EPB41L2: variants seen among roughly 807,000 people sequenced by gnomAD.
The protein encoded by EPB41L2 is erythrocyte membrane protein band 4.1 like 2.
In EPB41L2, 43 loss-of-function variants were observed where a neutral mutation model predicts 113.0. That is an observed-to-expected ratio of 0.38 (90% CI 0.30 to 0.49). The LOEUF is 0.49. EPB41L2 is among the 20% of genes least tolerant of loss of function. The pLI, the probability that EPB41L2 is intolerant of heterozygous loss-of-function variation, is 0.95. For synonymous variants in EPB41L2, 442 were observed against 436.7 expected, an observed-to-expected ratio of 1.01 and a Z score of -0.15; for missense variants, 1,147 against 1,223.4, an observed-to-expected ratio of 0.94 and a Z score of 0.93.
chr6:130,905,422 C>T (rs1583290327), intron 5 of EPB41L2, among the ~76,000 whole-genome samples: 2 of 144,422 alleles, frequency 1.4e-5, no homozygotes, highest in Non-Finnish European at 1.5e-5. Context: ...TATGTTATTC[C>T]TTTTTTTTTT....
intron 19 of EPB41L2, among the ~76,000 whole-genome samples, chr6:130,848,972 A>G (rs79322487): frequency 6.6e-6 from 1 of 152,246 alleles, no homozygotes. Context: ...GCAGTTTAAC[A>G]TTAAATATTC....
intron 3 of EPB41L2, among the ~76,000 whole-genome samples, chr6:130,934,077 CACA>C (rs954582438): frequency 5.9e-5 from 9 of 152,178 alleles, no homozygotes; most frequent in Non-Finnish European, 1.0e-4. Context: ...ACAGAGCAAA[CACA>C]ACAACTGATA....
intron 18 of EPB41L2, among the ~76,000 whole-genome samples, chr6:130,861,288 G>A (rs1485448150): frequency 6.6e-6 from 1 of 151,726 alleles, no homozygotes; most frequent in Non-Finnish European, 1.5e-5. Context: ...TAGCCAGGAT[G>A]GTCTCCATCT....
intron 1 of EPB41L2, among the ~76,000 whole-genome samples, chr6:131,010,388 T>C (rs1356584015): frequency 6.6e-6 from 1 of 151,836 alleles, no homozygotes; most frequent in Admixed American, 6.6e-5. Context: ...ACTCCTTTCT[T>C]CCTGATAGAA....
chr6:130,857,507 G>T (rs1780624381), intron 19 of EPB41L2, among the ~76,000 whole-genome samples: 1 of 144,966 alleles, frequency 6.9e-6, no homozygotes. Flanking sequence ...TTTTTACACA[G>T]TCAAAGAAAT....
chr6:130,851,545 C>T (rs1443983450), intron 19 of EPB41L2, among the ~76,000 whole-genome samples: 1 of 152,174 alleles, frequency 6.6e-6, no homozygotes, highest in Non-Finnish European at 1.5e-5. Context: ...CTCCATGACA[C>T]CTAATGTTCT....
intron 11 of EPB41L2, 40 bp from the exon 12 acceptor site, chr6:130,885,308 T>A: frequency 6.2e-7 from 1 of 1,605,272 alleles, no homozygotes; most frequent in Non-Finnish European, 8.5e-7. Flanking sequence ...TTAGGACATA[T>A]GAATCATAAA....
intron 1 of EPB41L2, among the ~76,000 whole-genome samples, chr6:131,008,053 T>C (rs932968754): frequency 2.6e-5 from 4 of 152,260 alleles, no homozygotes; most frequent in Non-Finnish European, 5.9e-5. Flanking sequence ...AGCCAAATGT[T>C]AATCCCAAGA....
intron 1 of EPB41L2, among the ~76,000 whole-genome samples, chr6:131,029,895 C>T (rs112167167): frequency 2.3e-3 from 16 of 6,920 alleles, no homozygotes; most frequent in East Asian, 0.029. Context: ...GGATTTTTCT[C>T]TTTTTTTCTT....
intron 10 of EPB41L2, among the ~76,000 whole-genome samples, chr6:130,893,647 A>G (rs560031198): frequency 6.6e-6 from 1 of 152,350 alleles, no homozygotes; most frequent in South Asian, 2.1e-4. Flanking sequence ...GAGTAACTGC[A>G]TGTGTCACAA....
chr6:130,940,721 G>A (rs1810534560), intron 3 of EPB41L2, among the ~76,000 whole-genome samples: 2 of 151,916 alleles, frequency 1.3e-5, no homozygotes, highest in Non-Finnish European at 2.9e-5. Flanking sequence ...TGCCCGCCTC[G>A]GCCTCCCAAA....
At chr6:131,022,136 G>GT in intron 1 of EPB41L2, among the ~76,000 whole-genome samples, 1 of 152,192 alleles carries the variant, frequency 6.6e-6, no homozygotes, top group Admixed American at 6.5e-5. Context: ...GACCGTTACT[G>GT]ATCATCAGGC....
intron 3 of EPB41L2, among the ~76,000 whole-genome samples, chr6:130,940,823 A>G (rs1583684937): frequency 1.3e-5 from 2 of 152,154 alleles, no homozygotes; most frequent in East Asian, 3.9e-4. Context: ...AGACATGCAT[A>G]CCGACTCCAG....
At chr6:130,885,919 T>C (rs1790802861) in intron 11 of EPB41L2, among the ~76,000 whole-genome samples, 1 of 152,310 alleles carries the variant, frequency 6.6e-6, no homozygotes, top group Non-Finnish European at 1.5e-5. Context: ...CTGGCCCTCA[T>C]GTGCTCTCTT....
chr6:130,947,003 A>C (rs1295798808), intron 3 of EPB41L2, among the ~76,000 whole-genome samples: 1 of 149,660 alleles, frequency 6.7e-6, no homozygotes, highest in African/African-American at 2.5e-5. Context: ...TAAGCAATGC[A>C]CTGAATAAAG....
At chr6:131,050,084 A>C (rs558668393) in intron 1 of EPB41L2, among the ~76,000 whole-genome samples, 1 of 152,310 alleles carries the variant, frequency 6.6e-6, no homozygotes, top group African/African-American at 2.4e-5. Flanking sequence ...CACACCTGTA[A>C]TCCCAGCACT....
At chr6:131,023,818 G>A (rs964585893) in intron 1 of EPB41L2, among the ~76,000 whole-genome samples, 1 of 150,316 alleles carries the variant, frequency 6.7e-6, no homozygotes, top group African/African-American at 2.4e-5. Context: ...AGAACTCTAT[G>A]TCTATAGGAG....
chr6:130,922,928 T>C (rs1200901995), intron 4 of EPB41L2, among the ~76,000 whole-genome samples: 1 of 152,190 alleles, frequency 6.6e-6, no homozygotes, highest in Non-Finnish European at 1.5e-5. Flanking sequence ...CAAGCTGTCA[T>C]TCTTTAAGAC....
In EPB41L2 at chr6:130,921,264, C is replaced by A. The variant is rs9492755; in HGVS notation, c.810+5341G>T. On this transcript the variant is annotated intron_variant, in intron 4 of 19. Coordinates refer to ENST00000337057, the MANE Select transcript of EPB41L2 (RefSeq NM_001431.4). ...TCTTTCTGATATGCAAATCTGACCA[C>A]GTTACTTCCTACTTAAAATCTAGAT... Among the ~76,000 whole-genome samples the A allele has an allele frequency of 3.9e-5, 6 of 152,088 alleles. No individual in the cohort carries two copies. The East Asian group carries it at 1.2e-3, about 29-fold the overall frequency.
Sources: allele counts gnomAD v4.1 joint callset (sites outside exome capture counted in the v4.1 genomes callset), GRCh38; gene constraint gnomAD v4.1.1; transcripts MANE v1.5; gene names NCBI Gene and HGNC (gene_info 2026-07-23, HGNC 2026-07-21).